Variants in DNAJC1 observed in about 807,000 individuals in gnomAD.
DNAJC1 encodes dnaJ homolog subfamily C member 1.
A neutral mutation model predicts 76.6 loss-of-function variants in DNAJC1; 58 were observed. That is an observed-to-expected ratio of 0.76 (90% CI 0.61 to 0.94). The LOEUF (loss-of-function observed/expected upper bound fraction) is 0.94, where lower values mean the gene tolerates loss of function less well. Among genes scored for constraint, DNAJC1 ranks in the 40% least tolerant of loss-of-function variants. DNAJC1 has a pLI of 0.00. For synonymous variants in DNAJC1, 258 were observed against 267.9 expected (o/e 0.96, Z 0.36); for missense variants, 689 against 677.3 (o/e 1.02, Z -0.19).
At chr10:21,882,757 C>T (rs1418813771) in intron 7 of DNAJC1, among the ~76,000 whole-genome samples, 1 of 152,134 alleles carries the variant, frequency 6.6e-6, no homozygotes, top group African/African-American at 2.4e-5. Context: ...GTAACCCTAA[C>T]TTTACCATGT....
rs540339527 is a variant in DNAJC1 at position 21,825,933 on chromosome 10, T to C, written c.979-19834A>G. On this transcript the variant is annotated intron_variant, in intron 8 of 11. Coordinates refer to ENST00000376980, the MANE Select transcript of DNAJC1 (RefSeq NM_022365.4). ...TGTGGTTATTAATCCCCTTATCAGA[T>C]AGATGATAGAAAACATATCGACCAG... is the stretch of plus-strand genomic sequence containing the variant. 4.6e-5 allele frequency among the ~76,000 whole-genome samples: 7 copies of C among 152,286 alleles called. No homozygotes were observed. The South Asian group carries it at 1.5e-3, about 32-fold the overall frequency.
chr10:21,905,760 T>C (rs1234352494), intron 6 of DNAJC1, among the ~76,000 whole-genome samples: 1 of 152,126 alleles, frequency 6.6e-6, no homozygotes, highest in South Asian at 2.1e-4. Flanking sequence ...GACTGAAATA[T>C]GTGAGAAACC....
At chr10:21,993,444 C>T (rs1186858416) in intron 1 of DNAJC1, among the ~76,000 whole-genome samples, 1 of 152,158 alleles carries the variant, frequency 6.6e-6, no homozygotes, top group Non-Finnish European at 1.5e-5. Flanking sequence ...TTGGGAAGCT[C>T]GGTCTTAAAA....
chr10:21,801,926 G>A (rs1345139283), intron 9 of DNAJC1, among the ~76,000 whole-genome samples: 2 of 152,146 alleles, frequency 1.3e-5, no homozygotes, highest in African/African-American at 2.4e-5. Context: ...ACTTGTAAGC[G>A]GGAGCTAAAT....
intron 1 of DNAJC1, among the ~76,000 whole-genome samples, chr10:21,968,402 GTAAAATTGGTAT>G (rs1187849404): frequency 6.6e-6 from 1 of 152,034 alleles, no homozygotes; most frequent in African/African-American, 2.4e-5. Flanking sequence ...ACCCAAGATC[GTAAAATTGGTAT>G]TACGGCAACC....
chr10:21,878,384 A>G (rs1420237848), intron 8 of DNAJC1, among the ~76,000 whole-genome samples: 4 of 152,214 alleles, frequency 2.6e-5, no homozygotes, highest in Admixed American at 6.5e-5. Flanking sequence ...ATAGTAGTAT[A>G]GTAGGTACAC....
intron 8 of DNAJC1, among the ~76,000 whole-genome samples, chr10:21,868,542 A>T (rs1836047383): frequency 6.6e-6 from 1 of 152,118 alleles, no homozygotes; most frequent in Non-Finnish European, 1.5e-5. Flanking sequence ...TCTCAAGGGC[A>T]TTATGCTAAC....
intron 1 of DNAJC1, among the ~76,000 whole-genome samples, chr10:21,948,654 T>C (rs1322847560): frequency 6.6e-6 from 1 of 152,246 alleles, no homozygotes; most frequent in Non-Finnish European, 1.5e-5. Flanking sequence ...TCTATTATTA[T>C]TCCTGTTAAT....
chr10:21,813,928 C>A (rs1449850484), intron 8 of DNAJC1, among the ~76,000 whole-genome samples: 1 of 152,198 alleles, frequency 6.6e-6, no homozygotes, highest in African/African-American at 2.4e-5. Flanking sequence ...GAGTAATAAA[C>A]TGCCCTTTGT....
chr10:21,798,118 A>G (rs963207142), intron 9 of DNAJC1, among the ~76,000 whole-genome samples: 8 of 152,236 alleles, frequency 5.3e-5, no homozygotes, highest in African/African-American at 1.7e-4. Context: ...GTTCTTCTGA[A>G]GGTTACAAGG....
At chr10:21,817,159 CAAAAAAA>C (rs1194285168) in intron 8 of DNAJC1, among the ~76,000 whole-genome samples, 1 of 59,906 alleles carries the variant, frequency 1.7e-5, no homozygotes. Flanking sequence ...GATTCCGTCT[CAAAAAAA>C]AAAAAAAAAA....
At chr10:21,963,177 C>T (rs1041784661) in intron 1 of DNAJC1, among the ~76,000 whole-genome samples, 18 of 152,104 alleles carry the variant, frequency 1.2e-4, no homozygotes, top group Admixed American at 7.9e-4. Context: ...AAAACAAGTA[C>T]ACAGAAATAT....
At chr10:21,858,729 A>G (rs1835878767) in intron 8 of DNAJC1, among the ~76,000 whole-genome samples, 1 of 152,226 alleles carries the variant, frequency 6.6e-6, no homozygotes, top group Non-Finnish European at 1.5e-5. Flanking sequence ...AATGAAATCC[A>G]GGTCTCCTAC....
At chr10:21,882,188 A>C in intron 8 of DNAJC1, 94 bp downstream of exon 8, 1 of 1,193,574 alleles carries the variant, frequency 8.4e-7, no homozygotes, top group Non-Finnish European at 1.2e-6. Flanking sequence ...GTGAAGTGCA[A>C]TAAAACAAAG....
At chr10:21,953,188 T>C (rs1837625585) in intron 1 of DNAJC1, among the ~76,000 whole-genome samples, 1 of 152,088 alleles carries the variant, frequency 6.6e-6, no homozygotes, top group African/African-American at 2.4e-5. Context: ...AGTTGGGCAA[T>C]TGAGTTGGAG....
At chr10:21,813,244 A>ATATATATATATATATATATATG (rs1429581567) in intron 8 of DNAJC1, among the ~76,000 whole-genome samples, 6 of 122,944 alleles carry the variant, frequency 4.9e-5, no homozygotes, top group African/African-American at 2.4e-4. Flanking sequence ...ATATATATAT[A>ATATATATATATATATATATATG]CACATACAGC....
intron 9 of DNAJC1, among the ~76,000 whole-genome samples, chr10:21,785,016 G>A (rs1274390765): frequency 2.0e-5 from 3 of 152,076 alleles, no homozygotes; most frequent in Non-Finnish European, 4.4e-5. Context: ...AAACCTGCAT[G>A]TTGTGCACAT....
intron 10 of DNAJC1, among the ~76,000 whole-genome samples, chr10:21,760,454 AAAAC>A (rs1333802981): frequency 3.3e-5 from 5 of 152,238 alleles, no homozygotes; most frequent in Non-Finnish European, 7.3e-5. Context: ...TCAGAGAACT[AAAAC>A]AAAGAATCAC....
chr10:21,883,872 TAA>T (rs1320794123), intron 7 of DNAJC1, among the ~76,000 whole-genome samples: 2 of 152,224 alleles, frequency 1.3e-5, no homozygotes, highest in East Asian at 3.8e-4. Flanking sequence ...CAAATCATTA[TAA>T]GTCTAGGATT....
Sources: allele counts gnomAD v4.1 joint callset (sites outside exome capture counted in the v4.1 genomes callset), GRCh38; gene constraint gnomAD v4.1.1; transcripts MANE v1.5; gene names NCBI Gene and HGNC (gene_info 2026-07-23, HGNC 2026-07-21).